SH3RF3: variants seen among roughly 807,000 people sequenced by gnomAD.
SH3RF3 encodes the protein SH3 domain containing ring finger 3.
In SH3RF3, 29 loss-of-function variants were observed where a neutral mutation model predicts 66.3. The ratio of observed to expected loss-of-function variants is 0.44; its 90% CI spans 0.33 to 0.60. The LOEUF (loss-of-function observed/expected upper bound fraction) is 0.60, where lower values mean the gene tolerates loss of function less well. Among genes scored for constraint, SH3RF3 ranks in the 20% least tolerant of loss-of-function variants. The pLI is 0.04. For missense variants in SH3RF3, 1,194 were observed against 1,190.9 expected (o/e 1.00, Z -0.04); for synonymous variants, 583 against 532.0 (o/e 1.10, Z -1.32).
intron 1 of SH3RF3, among the ~76,000 whole-genome samples, chr2:109,156,547 G>A (rs950874748): frequency 2.0e-5 from 3 of 152,000 alleles, no homozygotes; most frequent in Non-Finnish European, 2.9e-5. Flanking sequence ...CTGAGTTCAA[G>A]CGATTCTTCT....
chr2:109,145,081 C>G (rs557020012), intron 1 of SH3RF3, among the ~76,000 whole-genome samples: 21 of 152,200 alleles, frequency 1.4e-4, no homozygotes, highest in African/African-American at 5.1e-4. Context: ...GGCCCTCTTA[C>G]GGGGCCTGGA....
chr2:109,448,386 G>GGCTGCACAGCAGGTTGT (rs1553521957), intron 7 of SH3RF3, among the ~76,000 whole-genome samples: 1 of 152,172 alleles, frequency 6.6e-6, no homozygotes, highest in Non-Finnish European at 1.5e-5. Flanking sequence ...TTAGGAACTG[G>GGCTGCACAGCAGGTTGT]GCTGCACAGC....
chr2:109,139,519 A>G (rs1177605821), intron 1 of SH3RF3, among the ~76,000 whole-genome samples: 2 of 152,222 alleles, frequency 1.3e-5, no homozygotes, highest in Non-Finnish European at 2.9e-5. Flanking sequence ...TGTGGACTAT[A>G]GCAGAGGGAA....
intron 8 of SH3RF3, among the ~76,000 whole-genome samples, chr2:109,461,089 A>G (rs1002910830): frequency 1.3e-5 from 2 of 152,224 alleles, no homozygotes; most frequent in Non-Finnish European, 2.9e-5. Context: ...GACCATAGGC[A>G]TTTTAGGCCA....
chr2:109,143,172 T>A (rs1323918544), intron 1 of SH3RF3, among the ~76,000 whole-genome samples: 1 of 152,232 alleles, frequency 6.6e-6, no homozygotes. Context: ...TGGTCCATTC[T>A]GTTTGTCAAG....
chr2:109,498,606 C>T (rs1213174533), intron 9 of SH3RF3, among the ~76,000 whole-genome samples: 1 of 152,244 alleles, frequency 6.6e-6, no homozygotes, highest in Non-Finnish European at 1.5e-5. Flanking sequence ...GCAAGCATTC[C>T]CTCCCAGAGC....
At chr2:109,236,263 C>A (rs1010745109) in intron 1 of SH3RF3, among the ~76,000 whole-genome samples, 3 of 152,120 alleles carry the variant, frequency 2.0e-5, no homozygotes, top group African/African-American at 7.2e-5. Context: ...GACCAAATTC[C>A]CCTCGGTCCT....
At chr2:109,234,980 C>G (rs996992498) in intron 1 of SH3RF3, among the ~76,000 whole-genome samples, 1 of 152,200 alleles carries the variant, frequency 6.6e-6, no homozygotes, top group African/African-American at 2.4e-5. Context: ...CAGATCCCAA[C>G]GTTTGACTAT....
At chr2:109,488,191 C>T (rs1359320966) in intron 8 of SH3RF3, among the ~76,000 whole-genome samples, 5 of 152,148 alleles carry the variant, frequency 3.3e-5, no homozygotes, top group Non-Finnish European at 7.4e-5. Context: ...CCTAGGGATC[C>T]CAGCCTTAGC....
At position 109,449,194 on chromosome 2, in the gene SH3RF3, A is replaced by G. The variant is rs1677793955; in HGVS notation, c.1853A>G (p.Gln618Arg). The change falls in exon 8 of 10, where the codon CAG becomes CGG. Residue 618 changes from glutamine (Q) to arginine (R), a missense_variant. Coordinates refer to ENST00000309415, the MANE Select transcript of SH3RF3 (RefSeq NM_001099289.3). Reference sequence around the variant, plus strand: ...GCTGCCCACTCTGCAGCCCAGGCTCAGGACCGGCCAACTGCCACCGTGTCA... The same window carrying G: ...GCTGCCCACTCTGCAGCCCAGGCTCGGGACCGGCCAACTGCCACCGTGTCA... ...STAAHSAAQA[Q>R]DRPTATVSPL... is the part of the protein sequence containing the mutation. The G allele has an allele frequency of 1.2e-6, 2 of 1,613,508 alleles. No homozygotes were observed. The highest frequency in any genetic ancestry group is 1.7e-6 in the Non-Finnish European group (2 of 1,179,802).
At chr2:109,178,298 CT>C (rs1357993685) in intron 1 of SH3RF3, among the ~76,000 whole-genome samples, 1 of 152,096 alleles carries the variant, frequency 6.6e-6, no homozygotes, top group East Asian at 1.9e-4. Context: ...TTTTAGAGCT[CT>C]TTTATGAATG....
intron 1 of SH3RF3, among the ~76,000 whole-genome samples, chr2:109,264,780 G>T (rs1465630): frequency 0.31 from 47,646 of 152,198 alleles, 8,446 homozygotes; most frequent in Non-Finnish European, 0.4. Flanking sequence ...TCTGAGGGCC[G>T]TGGAGTCTGG....
intron 1 of SH3RF3, among the ~76,000 whole-genome samples, chr2:109,195,925 G>A (rs1678488626): frequency 6.6e-6 from 1 of 152,186 alleles, no homozygotes; most frequent in Non-Finnish European, 1.5e-5. Context: ...ATTACTGACT[G>A]AGCACCTCGC....
chr2:109,466,110 C>T (rs1344544122), intron 8 of SH3RF3, among the ~76,000 whole-genome samples: 1 of 117,654 alleles, frequency 8.5e-6, no homozygotes, highest in African/African-American at 3.2e-5. Context: ...GATGGAGTCT[C>T]GCTCCGTCGC....
At position 109,501,784 on chromosome 2, in the gene SH3RF3, C is replaced by A; in HGVS notation, c.*113C>A. ...AGGGTTCCAGGTCATCTCCAAGGCACCTGGCGGGGGATACCCTGGCCCAGG... is the reference window on the plus strand; with the variant it reads ...AGGGTTCCAGGTCATCTCCAAGGCAACTGGCGGGGGATACCCTGGCCCAGG... On this transcript the variant is annotated 3_prime_UTR_variant, in exon 10 of 10. Transcript: ENST00000309415. 1.6e-6 allele frequency: 1 copy of A among 630,382 alleles called. No individual in the cohort carries two copies. The highest frequency in any genetic ancestry group is 2.9e-6 in the Non-Finnish European group (1 of 349,158). 39.0% of individuals were successfully genotyped at this position (630,382 alleles called of 1,614,324 possible).
chr2:109,189,199 C>A (rs1678275516), intron 1 of SH3RF3, among the ~76,000 whole-genome samples: 1 of 151,726 alleles, frequency 6.6e-6, no homozygotes, highest in Non-Finnish European at 1.5e-5. Flanking sequence ...CTTCTGATAC[C>A]CCCGAGATAG....
At chr2:109,429,585 C>G (rs2104558475) in intron 5 of SH3RF3, among the ~76,000 whole-genome samples, 1 of 152,238 alleles carries the variant, frequency 6.6e-6, no homozygotes, top group South Asian at 2.1e-4. Flanking sequence ...GGACCCCAGC[C>G]TCCCCGGGCC....
chr2:109,449,751 C>A (rs529633462), intron 8 of SH3RF3, among the ~76,000 whole-genome samples: 12 of 152,304 alleles, frequency 7.9e-5, no homozygotes, highest in African/African-American at 2.6e-4. Context: ...AAAAGGTGTC[C>A]CCTCTTGAAA....
chr2:109,140,271 A>T (rs1449346294), intron 1 of SH3RF3, among the ~76,000 whole-genome samples: 1 of 152,202 alleles, frequency 6.6e-6, no homozygotes, highest in Admixed American at 6.5e-5. Flanking sequence ...GATCAGCTGC[A>T]TCCAGCCATG....
Sources: allele counts gnomAD v4.1 joint callset (sites outside exome capture counted in the v4.1 genomes callset), GRCh38; gene constraint gnomAD v4.1.1; transcripts MANE v1.5; gene names NCBI Gene and HGNC (gene_info 2026-07-23, HGNC 2026-07-21).